GRID1: variants seen among roughly 807,000 people sequenced by gnomAD.
The protein encoded by GRID1 is glutamate receptor ionotropic, delta-1.
A neutral mutation model predicts 98.0 loss-of-function variants in GRID1; 28 were observed. The observed-to-expected ratio is 0.29, with a 90% CI of 0.21 to 0.39. The LOEUF is 0.39. Among genes scored for constraint, GRID1 ranks in the 10% least tolerant of loss-of-function variants. GRID1 has a pLI of 1.00. For synonymous variants in GRID1, 553 were observed against 538.5 expected, an observed-to-expected ratio of 1.03 and a Z score of -0.37; for missense variants, 1,111 against 1,340.5, an observed-to-expected ratio of 0.83 and a Z score of 2.67.
intron 4 of GRID1, among the ~76,000 whole-genome samples, chr10:86,096,389 T>A (rs1844221924): frequency 6.6e-6 from 1 of 152,200 alleles, no homozygotes; most frequent in Non-Finnish European, 1.5e-5. Context: ...CCACAGACTG[T>A]TCCAGCCCCA....
intron 2 of GRID1, among the ~76,000 whole-genome samples, chr10:86,298,257 A>G (rs1023219986): frequency 6.6e-5 from 10 of 152,260 alleles, no homozygotes; most frequent in Non-Finnish European, 1.5e-4. Flanking sequence ...AAAAATGTTT[A>G]CAGTATAATA....
intron 4 of GRID1, among the ~76,000 whole-genome samples, chr10:85,955,260 G>T (rs1842174266): frequency 6.6e-6 from 1 of 152,164 alleles, no homozygotes; most frequent in Non-Finnish European, 1.5e-5. Flanking sequence ...CAGAGTCCCA[G>T]CCCTTAGGGT....
chr10:85,725,035 A>G (rs1390388077), intron 10 of GRID1, among the ~76,000 whole-genome samples: 1 of 151,880 alleles, frequency 6.6e-6, no homozygotes, highest in African/African-American at 2.4e-5. Flanking sequence ...TCTACCCTCC[A>G]CCAAGAAGGC....
At chr10:85,674,979 C>A (rs866732409) in intron 12 of GRID1, among the ~76,000 whole-genome samples, 2 of 152,140 alleles carry the variant, frequency 1.3e-5, no homozygotes, top group African/African-American at 4.8e-5. Context: ...TTTTAGGGCT[C>A]ATTTCTGGGT....
intron 5 of GRID1, among the ~76,000 whole-genome samples, chr10:85,879,768 T>A (rs1345668476): frequency 5.9e-5 from 9 of 151,974 alleles, no homozygotes; most frequent in African/African-American, 9.7e-5. Context: ...AAATAACTAA[T>A]ATCAGAGCAG....
chr10:85,805,804 C>T lies in GRID1; in HGVS notation c.1233+48692G>A, dbSNP rs539502294. On this transcript the variant is annotated intron_variant, in intron 8 of 15. Coordinates refer to ENST00000327946, the MANE Select transcript of GRID1 (RefSeq NM_017551.3). ...GGTAAATAAATACCTTGATACCTCC[C>T]TCACAACACATACAAAACAATAATT... Among the ~76,000 whole-genome samples the T allele has an allele frequency of 6.6e-5, 10 of 151,956 alleles. No homozygotes were observed. In the South Asian group the frequency reaches 2.1e-3, roughly 32 times the overall value.
chr10:86,157,590 C>A (rs1845264037), intron 3 of GRID1, among the ~76,000 whole-genome samples: 1 of 152,208 alleles, frequency 6.6e-6, no homozygotes, highest in Non-Finnish European at 1.5e-5. Flanking sequence ...CTAAACACGT[C>A]TCTCCTCCAG....
chr10:85,844,304 T>G (rs1842986474), intron 8 of GRID1, among the ~76,000 whole-genome samples: 1 of 151,990 alleles, frequency 6.6e-6, no homozygotes, highest in South Asian at 2.1e-4. Flanking sequence ...GTTAGGTCCA[T>G]GTGGTCATAA....
chr10:86,182,080 TC>T (rs1845663678), intron 3 of GRID1, among the ~76,000 whole-genome samples: 1 of 152,214 alleles, frequency 6.6e-6, no homozygotes, highest in Admixed American at 6.5e-5. Context: ...GACCCCTGCA[TC>T]AATTCCACAT....
intron 13 of GRID1, among the ~76,000 whole-genome samples, chr10:85,639,535 T>C (rs891114584): frequency 2.0e-5 from 3 of 152,214 alleles, no homozygotes; most frequent in African/African-American, 7.2e-5. Context: ...ATAGACACTA[T>C]ATGTGTATTT....
chr10:85,709,956 C>A (rs1841564407), intron 12 of GRID1, among the ~76,000 whole-genome samples: 2 of 151,810 alleles, frequency 1.3e-5, no homozygotes, highest in South Asian at 2.1e-4. Flanking sequence ...AAAAAAAATA[C>A]CACAAAACAT....
At chr10:85,880,053 C>A (rs1840982268) in intron 5 of GRID1, among the ~76,000 whole-genome samples, 3 of 152,080 alleles carry the variant, frequency 2.0e-5, no homozygotes, top group Admixed American at 2.0e-4. Flanking sequence ...ACACATACAC[C>A]CTTCCAAGAC....
intron 2 of GRID1, among the ~76,000 whole-genome samples, chr10:86,231,238 C>T (rs76879415): frequency 0.021 from 3,223 of 152,320 alleles, 39 homozygotes; most frequent in South Asian, 0.033. Context: ...TGCTGCTAAT[C>T]TGCTGGAAAT....
intron 5 of GRID1, among the ~76,000 whole-genome samples, chr10:85,884,267 C>T (rs1266793344): frequency 2.0e-5 from 3 of 152,074 alleles, no homozygotes; most frequent in Non-Finnish European, 4.4e-5. Context: ...TACTACTAAA[C>T]CTTTTGTATG....
At chr10:85,979,789 C>T (rs1842521913) in intron 4 of GRID1, among the ~76,000 whole-genome samples, 4 of 152,204 alleles carry the variant, frequency 2.6e-5, no homozygotes, top group Non-Finnish European at 5.9e-5. Flanking sequence ...TGGAGGCAGA[C>T]ACTGGTCCAC....
intron 7 of GRID1, among the ~76,000 whole-genome samples, chr10:85,855,731 CG>C (rs1170981768): frequency 6.6e-6 from 1 of 152,188 alleles, no homozygotes; most frequent in African/African-American, 2.4e-5. Flanking sequence ...CTTGCAGACA[CG>C]GGATAGGCAG....
chr10:86,210,527 C>T (rs1846093424), intron 2 of GRID1, among the ~76,000 whole-genome samples: 1 of 152,244 alleles, frequency 6.6e-6, no homozygotes, highest in Non-Finnish European at 1.5e-5. Context: ...CTTCCTTGGA[C>T]ATCCCATCTC....
At chr10:86,245,854 A>G (rs1490199314) in intron 2 of GRID1, among the ~76,000 whole-genome samples, 1 of 152,266 alleles carries the variant, frequency 6.6e-6, no homozygotes, top group Non-Finnish European at 1.5e-5. Context: ...CAGAAGAAGA[A>G]GGCTGGGGCA....
At chr10:85,644,247 G>A (rs777411344) in intron 13 of GRID1, 3 of 152,152 alleles carry the variant, frequency 2.0e-5, no homozygotes, top group African/African-American at 7.2e-5. Flanking sequence ...ATTTCTCCAG[G>A]AATGGCTCAC....
Sources: gnomAD v4.1 joint callset for allele counts (sites outside exome capture counted in the v4.1 genomes callset) on GRCh38, gnomAD v4.1.1 for gene constraint, MANE v1.5 for transcripts, NCBI Gene and HGNC (gene_info 2026-07-23, HGNC 2026-07-21) for gene names.